Variants in OPCML observed in about 807,000 individuals in gnomAD.
The protein encoded by OPCML is opioid-binding protein/cell adhesion molecule.
OPCML carries 13 observed loss-of-function variants against 37.8 expected under a neutral mutation model. The observed-to-expected ratio is 0.34, with a 90% CI of 0.22 to 0.55. The LOEUF (loss-of-function observed/expected upper bound fraction) is 0.55. Among genes scored for constraint, OPCML ranks in the 20% least tolerant of loss-of-function variants. The pLI is 0.91. For missense variants in OPCML, 341 were observed against 435.6 expected (o/e 0.78, Z 1.93); for synonymous variants, 176 against 168.8 (o/e 1.04, Z -0.33).
intron 1 of OPCML, among the ~76,000 whole-genome samples, chr11:133,288,124 T>C (rs558166035): frequency 6.6e-6 from 1 of 152,328 alleles, no homozygotes; most frequent in African/African-American, 2.4e-5. Flanking sequence ...CTGCGGTGAA[T>C]GAAGGTGCTA....
intron 2 of OPCML, among the ~76,000 whole-genome samples, chr11:132,809,383 T>C (rs1470367740): frequency 6.6e-6 from 1 of 152,154 alleles, no homozygotes; most frequent in East Asian, 1.9e-4. Context: ...CTTAGGAACC[T>C]CATTTGGACA....
At chr11:133,382,786 C>T (rs966962450) in intron 1 of OPCML, among the ~76,000 whole-genome samples, 2 of 152,140 alleles carry the variant, frequency 1.3e-5, no homozygotes, top group South Asian at 2.1e-4. Flanking sequence ...CCACCCAGCC[C>T]GACAAAGGAG....
chr11:133,120,999 C>T (rs768122065), intron 1 of OPCML, among the ~76,000 whole-genome samples: 2 of 152,048 alleles, frequency 1.3e-5, no homozygotes, highest in Non-Finnish European at 2.9e-5. Context: ...CTCAGCTCAC[C>T]GCAACCTCTG....
At chr11:132,424,144 G>A (rs1022616778) in intron 7 of OPCML, among the ~76,000 whole-genome samples, 2 of 150,288 alleles carry the variant, frequency 1.3e-5, no homozygotes, top group Non-Finnish European at 3.0e-5. Flanking sequence ...TTTTTAGATG[G>A]AGTCTCGCTC....
chr11:132,983,740 C>A (rs556869838), intron 1 of OPCML, among the ~76,000 whole-genome samples: 1 of 152,310 alleles, frequency 6.6e-6, no homozygotes, highest in African/African-American at 2.4e-5. Context: ...CACAAAGCAC[C>A]ACACACATCT....
intron 2 of OPCML, among the ~76,000 whole-genome samples, chr11:132,878,654 T>C (rs970171299): frequency 6.6e-6 from 1 of 152,214 alleles, no homozygotes; most frequent in African/African-American, 2.4e-5. Flanking sequence ...TATAGATATA[T>C]ATGTAGAGAT....
At chr11:133,140,769 A>AGAAGAAGACGACAAT (rs1949774970) in intron 1 of OPCML, among the ~76,000 whole-genome samples, 3 of 131,818 alleles carry the variant, frequency 2.3e-5, no homozygotes, top group African/African-American at 9.8e-5. Flanking sequence ...ACGACGAAGA[A>AGAAGAAGACGACAAT]GAAGAAGAAG....
intron 1 of OPCML, among the ~76,000 whole-genome samples, chr11:133,413,165 G>T (rs1239672149): frequency 1.3e-5 from 2 of 152,168 alleles, no homozygotes; most frequent in Non-Finnish European, 2.9e-5. Context: ...GGAGCATTCT[G>T]CAGAACTGAT....
At chr11:133,086,345 G>T (rs139179786) in intron 1 of OPCML, among the ~76,000 whole-genome samples, 214 of 151,904 alleles carry the variant, frequency 1.4e-3, no homozygotes, top group African/African-American at 4.7e-3. Flanking sequence ...ACTTTGCAAG[G>T]GACATCAACT....
At chr11:132,778,958 T>TTTC (rs1263733040) in intron 2 of OPCML, among the ~76,000 whole-genome samples, 3 of 143,582 alleles carry the variant, frequency 2.1e-5, no homozygotes, top group African/African-American at 7.8e-5. Context: ...AGGTGGTATA[T>TTTC]TTCTTTTTTT....
chr11:133,325,136 G>A (rs1055922186), intron 1 of OPCML, among the ~76,000 whole-genome samples: 18 of 152,314 alleles, frequency 1.2e-4, no homozygotes, highest in African/African-American at 1.7e-4. Flanking sequence ...GCTGAGCCAC[G>A]TCACTAGACT....
At chr11:132,697,994 ATT>A (rs1943661443) in intron 2 of OPCML, among the ~76,000 whole-genome samples, 1 of 144,310 alleles carries the variant, frequency 6.9e-6, no homozygotes, top group Non-Finnish European at 1.5e-5. Context: ...TTATTTATTT[ATT>A]TATTTATTTA....
chr11:133,490,056 T>C (rs992722647), intron 1 of OPCML, among the ~76,000 whole-genome samples: 13 of 152,126 alleles, frequency 8.5e-5, no homozygotes, highest in Non-Finnish European at 1.6e-4. Context: ...ACCAAATACA[T>C]GAGGAGCTTA....
rs184786842 is a variant in OPCML, at chr11:133,165,107, G to A, written c.62-222097C>T. On this transcript the variant is annotated intron_variant, in intron 1 of 7. Coordinates refer to ENST00000524381, the MANE Select transcript of OPCML (RefSeq NM_001012393.5). Reference sequence around the variant, plus strand: ...CAGAGCAAAACATATTTGTGATTTGGTCACAGCCAGAGCACTTACAGTGAG... The same window carrying A: ...CAGAGCAAAACATATTTGTGATTTGATCACAGCCAGAGCACTTACAGTGAG... 3.3e-3 allele frequency among the ~76,000 whole-genome samples: 508 copies of A among 152,306 alleles called. 1 individual carries two copies. In the Middle Eastern group the frequency reaches 0.044, roughly 13 times the overall value.
intron 1 of OPCML, among the ~76,000 whole-genome samples, chr11:133,498,856 A>G (rs1167750644): frequency 6.6e-6 from 1 of 152,220 alleles, no homozygotes; most frequent in Non-Finnish European, 1.5e-5. Context: ...AATAACAGCT[A>G]CCATGGATGG....
chr11:132,697,746 C>G (rs1943649018), intron 2 of OPCML, among the ~76,000 whole-genome samples: 1 of 151,958 alleles, frequency 6.6e-6, no homozygotes, highest in Non-Finnish European at 1.5e-5. Context: ...GTGCATATAT[C>G]TCTTCACAAT....
chr11:132,593,779 TACA>T (rs1390068114), intron 3 of OPCML, among the ~76,000 whole-genome samples: 1 of 152,136 alleles, frequency 6.6e-6, no homozygotes, highest in African/African-American at 2.4e-5. Flanking sequence ...AATTAATGGT[TACA>T]ACAAGCAATT....
chr11:133,258,426 G>C (rs1463740225), intron 1 of OPCML, among the ~76,000 whole-genome samples: 1 of 152,150 alleles, frequency 6.6e-6, no homozygotes, highest in Non-Finnish European at 1.5e-5. Flanking sequence ...AGGAAGAAGG[G>C]AAGGCTTGCC....
At chr11:133,335,796 T>C (rs922664623) in intron 1 of OPCML, among the ~76,000 whole-genome samples, 2 of 151,888 alleles carry the variant, frequency 1.3e-5, no homozygotes, top group African/African-American at 4.8e-5. Flanking sequence ...TACTGGCAAG[T>C]GTAGCTCCCA....
Sources: allele counts gnomAD v4.1 joint callset (sites outside exome capture counted in the v4.1 genomes callset), GRCh38; gene constraint gnomAD v4.1.1; transcripts MANE v1.5; gene names NCBI Gene and HGNC (gene_info 2026-07-23, HGNC 2026-07-21).